DYNC1H1: variants seen among roughly 807,000 people sequenced by gnomAD.
DYNC1H1 encodes the protein dynein cytoplasmic 1 heavy chain 1.
DYNC1H1 carries 51 observed loss-of-function variants against 527.1 expected under a neutral mutation model. The ratio of observed to expected loss-of-function variants is 0.10; its 90% CI spans 0.08 to 0.12. The LOEUF (loss-of-function observed/expected upper bound fraction) is 0.12. Among genes scored for constraint, DYNC1H1 ranks in the 10% least tolerant of loss-of-function variants. DYNC1H1 has a pLI of 1.00. For synonymous variants in DYNC1H1, 2,189 were observed against 2,278.8 expected (o/e 0.96, Z 1.12); for missense variants, 2,771 against 5,971.8 (o/e 0.46, Z 17.66).
Position 101,985,996 on chromosome 14 carries a change from C to T in DYNC1H1, c.1771C>T (p.Leu591=). 1 of 1,614,220 alleles carries T rather than the reference C, an allele frequency of 6.2e-7. No individual in the cohort carries two copies. ...MFRIFSRFNA[L]FVRPHIRGAI... ...TAGGATTTTCTCCAGGTTTAATGCA[C>T]TGTTTGTCAGGCCTCACATCCGTGG... Residue 591 remains leucine, a synonymous_variant, in exon 8 of 78, where the codon CTG becomes TTG. Coordinates refer to ENST00000360184, the MANE Select transcript of DYNC1H1 (RefSeq NM_001376.5). The surrounding 1 kb of genome is among the most constrained non-coding windows in gnomAD (Gnocchi z 5.9).
At position 102,009,934 on chromosome 14, in the gene DYNC1H1, G is replaced by A. The variant is rs536211119; in HGVS notation, c.6069G>A (p.Ala2023=). The A allele has an allele frequency of 4.3e-6, 7 of 1,613,986 alleles. No homozygotes were observed. Among genetic ancestry groups the A allele is most frequent in the African/African-American group, 4.0e-5 (3 of 74,984 alleles). The change falls in exon 30 of 78, where the codon GCG becomes GCA. Residue 2023 remains alanine, a synonymous_variant. Coordinates refer to ENST00000360184, the MANE Select transcript of DYNC1H1 (RefSeq NM_001376.5). The part of the protein sequence containing the change: ...AIFITMNPGY[A]GRSNLPDNLK... The stretch of plus-strand genomic sequence containing the variant: ...TCATCACCATGAACCCTGGCTACGC[G>A]GGCCGGTCTAACCTTCCTGACAACT...
At chr14:102,050,029 G>A (rs1355656587) in intron 76 of DYNC1H1, 42 bp from the exon 77 acceptor site, 53 of 1,614,090 alleles carry the variant, frequency 3.3e-5, no homozygotes, top group Non-Finnish European at 4.2e-5. Flanking sequence ...TTGTGTAGCT[G>A]TTGTGTTCAC....
In DYNC1H1 at chr14:102,036,762, C is replaced by T. The variant is rs541719284; in HGVS notation, c.10908+120C>T. 118 of 1,315,174 alleles carry T rather than the reference C, an allele frequency of 9.0e-5. 1 individual carries two copies. In the South Asian group the frequency reaches 1.2e-3, roughly 13 times the overall value. The allele number at this position is 1,315,174 out of a possible 1,614,324, so 81.5% of individuals were successfully genotyped here. A position where few individuals can be genotyped will look rare whatever the true frequency, so the allele number is the denominator to read the frequency against. ...TTTGTATCAGAAGGATAAAGCTTTG[C>T]GGTGGTTCTGTAATAGATAAATTCA... is the stretch of plus-strand genomic sequence containing the variant. On this transcript the variant is annotated intron_variant, in intron 57 of 77. Coordinates refer to ENST00000360184, the MANE Select transcript of DYNC1H1 (RefSeq NM_001376.5). The surrounding 1 kb of genome is among the most constrained non-coding windows in gnomAD (Gnocchi z 5.6).
Position 102,002,407 on chromosome 14 carries a change from G to A in DYNC1H1, c.4543-130G>A, listed in dbSNP as rs908159042. ...ATTACAGGCGTGAGCCACCACACCC[G>A]TCTACTTGTTGTTTAAAATGTGAAT... On this transcript the variant is annotated intron_variant, in intron 21 of 77. Transcript: ENST00000360184. This position sits in a 1 kb window ranked among gnomAD's most constrained non-coding sequence, Gnocchi z 4.4. The A allele has an allele frequency of 2.0e-5, 26 of 1,295,970 alleles. No individual in the cohort carries two copies. Among genetic ancestry groups the A allele is most frequent in the African/African-American group, 2.9e-5 (2 of 68,476 alleles). 80.3% of individuals were successfully genotyped at this position (1,295,970 alleles called of 1,614,324 possible).
chr14:102,026,711 G>A lies in DYNC1H1; in HGVS notation c.8771+4G>A, dbSNP rs1555410867. ...ACCACGTGCTGAGGATTGACAGGTGGGCTTTTTTGTTGTTACAGCCCCACC... is the reference window on the plus strand; with the variant it reads ...ACCACGTGCTGAGGATTGACAGGTGAGCTTTTTTGTTGTTACAGCCCCACC... On this transcript the variant is annotated splice_donor_region_variant and intron_variant, in intron 44 of 77. Transcript: ENST00000360184. The A allele has an allele frequency of 1.2e-6, 2 of 1,613,798 alleles. No individual in the cohort carries two copies. The highest frequency in any genetic ancestry group is 1.1e-5 in the South Asian group (1 of 91,038).
chr14:102,005,561 C>A lies in DYNC1H1; in HGVS notation c.5433+325C>A, dbSNP rs576990741. On this transcript the variant is annotated intron_variant, in intron 26 of 77. Coordinates refer to ENST00000360184, the MANE Select transcript of DYNC1H1 (RefSeq NM_001376.5). This position sits in a 1 kb window ranked among gnomAD's most constrained non-coding sequence, Gnocchi z 4.0. ...GGCACGGGCAGTGCTTGCTGCGAGC[C>A]CCATGGCGGCACGTGGCAGACTCCT... 6.6e-6 allele frequency among the ~76,000 whole-genome samples: 1 copy of A among 152,318 alleles called. No homozygotes were observed. Among genetic ancestry groups the A allele is most frequent in the East Asian group, 1.9e-4 (1 of 5,180 alleles).
Position 101,978,465 on chromosome 14 carries a change from G to A in DYNC1H1, c.345-854G>A, listed in dbSNP as rs185168894. The stretch of plus-strand genomic sequence containing the variant: ...TGGGATTACAGGCGTGAACCACCAT[G>A]CCTGGCGTATGAAGTATTGTGTATA... On this transcript the variant is annotated intron_variant, in intron 2 of 77. Transcript: ENST00000360184. 2.0e-5 allele frequency among the ~76,000 whole-genome samples: 3 copies of A among 152,274 alleles called. No homozygotes were observed. In the East Asian group the frequency reaches 5.8e-4, roughly 29 times the overall value.
intron 15 of DYNC1H1, among the ~76,000 whole-genome samples, chr14:101,995,637 A>G (rs1244108749): frequency 1.3e-5 from 2 of 151,170 alleles, no homozygotes; most frequent in South Asian, 2.1e-4. Flanking sequence ...ATTACACTAG[A>G]TCTCTAGTTT....
At chr14:101,980,643 ACAGATGTACTGTCGT>A in intron 5 of DYNC1H1, 93 bp downstream of exon 5, 1 of 1,438,450 alleles carries the variant, frequency 7.0e-7, no homozygotes, top group Non-Finnish European at 9.5e-7. Context: ...TATAGTTTTC[ACAGATGTACTGTCGT>A]TTTTAACCAT....
In DYNC1H1 at chr14:101,991,691, C is replaced by T. The variant is rs2749894; in HGVS notation, c.3015+18C>T. On this transcript the variant is annotated intron_variant, in intron 11 of 77. Transcript: ENST00000360184. ...GGTACCAGGTAAGCCTTTGGTGACT[C>T]GAGGCACACGCCTCTGACCAGGACT... The T allele has an allele frequency of 0.085, 137,441 of 1,613,702 alleles. 9,458 individuals are homozygous for T. The highest frequency in any genetic ancestry group is 0.37 in the African/African-American group (27,776 of 74,898).
Position 102,011,744 on chromosome 14 carries a change from T to A in DYNC1H1, c.6619-131T>A. 1.1e-6 allele frequency: 1 copy of A among 949,848 alleles called. No individual in the cohort carries two copies. Among genetic ancestry groups the A allele is most frequent in the Non-Finnish European group, 1.6e-6 (1 of 613,422 alleles). 58.8% of individuals were successfully genotyped at this position (949,848 alleles called of 1,614,324 possible). ...TCCAGTCTGGGTGACAGAGAGAGAC[T>A]CCGTTTCAGGAAAAAAAAAAAAATC... On this transcript the variant is annotated intron_variant, in intron 32 of 77. Transcript: ENST00000360184. This position sits in a 1 kb window ranked among gnomAD's most constrained non-coding sequence, Gnocchi z 5.3.
chr14:102,027,398 A>G lies in DYNC1H1; in HGVS notation c.8902A>G (p.Thr2968Ala), dbSNP rs2152589038. 5 of 1,614,180 alleles carry G rather than the reference A, an allele frequency of 3.1e-6. No individual in the cohort carries two copies. Among genetic ancestry groups the G allele is most frequent in the Non-Finnish European group, 3.4e-6 (4 of 1,180,030 alleles). Residue 2968 changes from threonine (T) to alanine (A), a missense_variant, in exon 46 of 78, where the codon ACA (threonine) becomes GCA (alanine). Coordinates refer to ENST00000360184, the MANE Select transcript of DYNC1H1 (RefSeq NM_001376.5). This position sits in a 1 kb window ranked among gnomAD's most constrained non-coding sequence, Gnocchi z 7.7. ...VYQIKVHRKY[T>A]GEDFDEDLRT... The stretch of plus-strand genomic sequence containing the variant: ...GCTTCTGTAGGTCCATAGGAAGTAC[A>G]CAGGGGAAGACTTTGATGAAGATCT...
chr14:102,035,880 T>C (rs2048569207), intron 56 of DYNC1H1: 1 of 154,174 alleles, frequency 6.5e-6, no homozygotes, highest in African/African-American at 2.4e-5. Flanking sequence ...TCTCACCATA[T>C]GCCCTTTTAT....
At position 101,979,894 on chromosome 14, in the gene DYNC1H1, T is replaced by G; in HGVS notation, c.694T>G (p.Phe232Val). ...ERGEKPKVTDFGDKVEDPTFL... is the reference protein window; with the variant it reads ...ERGEKPKVTDVGDKVEDPTFL... Reference sequence around the variant, plus strand: ...TGGAGAAAAGCCAAAAGTTACAGACTTTGGTGATAAGGTTGAAGACCCAAC... The same window carrying G: ...TGGAGAAAAGCCAAAAGTTACAGACGTTGGTGATAAGGTTGAAGACCCAAC... The change falls in exon 4 of 78, where the codon TTT (phenylalanine) becomes GTT (valine). Residue 232 changes from phenylalanine to valine, a missense_variant. By Grantham distance (50) the Phe-to-Val change is conservative. Coordinates refer to ENST00000360184, the MANE Select transcript of DYNC1H1 (RefSeq NM_001376.5). This position sits in a 1 kb window ranked among gnomAD's most constrained non-coding sequence, Gnocchi z 4.6. 1.2e-6 allele frequency: 2 copies of G among 1,614,204 alleles called. No individual in the cohort carries two copies. The highest frequency in any genetic ancestry group is 1.7e-6 in the Non-Finnish European group (2 of 1,180,036).
Position 102,036,615 on chromosome 14 carries a change from G to C in DYNC1H1, c.10881G>C (p.Leu3627=). The C allele has an allele frequency of 6.2e-7, 1 of 1,614,178 alleles. No homozygotes were observed. Among genetic ancestry groups the C allele is most frequent in the Non-Finnish European group, 8.5e-7 (1 of 1,180,014 alleles). Residue 3627 remains leucine, a synonymous_variant, in exon 57 of 78, where the codon CTG becomes CTC. Coordinates refer to ENST00000360184, the MANE Select transcript of DYNC1H1 (RefSeq NM_001376.5). This position sits in a 1 kb window ranked among gnomAD's most constrained non-coding sequence, Gnocchi z 5.6. ...TCAGAAAGAACTTAGAGAGTGCACT[G>C]AGATTCGGTAACCCCCTTCTGGTCC... is the stretch of plus-strand genomic sequence containing the variant. The part of the protein sequence containing the change: ...DAFRKNLESA[L]RFGNPLLVQD...
rs1555409562 is a variant in DYNC1H1 at position 102,004,867 on chromosome 14, G to A, written c.5155G>A (p.Glu1719Lys). The change falls in exon 25 of 78, where the codon GAG becomes AAG. Residue 1719 changes from glutamate (E) to lysine (K), a missense_variant. By Grantham distance (56) the Glu-to-Lys change is moderately conservative. Transcript: ENST00000360184. ...MRVTLAKLLA[E>K]SVTEVEIFGK... ...AGTCACCCTGGCCAAACTGCTTGCTGAGTCTGTTACGGAAGTTGAGATTTT... is the reference window on the plus strand; with the variant it reads ...AGTCACCCTGGCCAAACTGCTTGCTAAGTCTGTTACGGAAGTTGAGATTTT... The A allele has an allele frequency of 1.2e-6, 2 of 1,614,126 alleles. No individual in the cohort carries two copies. Among genetic ancestry groups the A allele is most frequent in the Admixed American group, 1.7e-5 (1 of 60,008 alleles).
In DYNC1H1 at chr14:102,038,952, A is replaced by G. The variant is rs536183243; in HGVS notation, c.11207-49A>G. The G allele has an allele frequency of 3.1e-6, 5 of 1,613,998 alleles. No individual in the cohort carries two copies. The African/African-American group carries it at 4.0e-5, about 13-fold the overall frequency. ...GTTTGTGGCAAACACTTCTGAGAGC[A>G]TACCTTTTGAAGGATTATTGCAAAC... On this transcript the variant is annotated intron_variant, in intron 59 of 77. Transcript: ENST00000360184. The surrounding 1 kb of genome is among the most constrained non-coding windows in gnomAD (Gnocchi z 7.2).
In DYNC1H1 at chr14:101,979,661, G is replaced by T; in HGVS notation, c.519-58G>T. On this transcript the variant is annotated intron_variant, in intron 3 of 77. Transcript: ENST00000360184. This position sits in a 1 kb window ranked among gnomAD's most constrained non-coding sequence, Gnocchi z 4.6. ...TACTATTTGACAGACCTGAAATGAT[G>T]GGATCTCTTTGGAGACCAATAGCAC... The T allele has an allele frequency of 6.2e-7, 1 of 1,612,002 alleles. No individual in the cohort carries two copies. The highest frequency in any genetic ancestry group is 1.1e-5 in the South Asian group (1 of 90,924).
At chr14:102,034,632 CT>C in intron 56 of DYNC1H1, 180 bp downstream of exon 56, 1 of 1,005,296 alleles carries the variant, frequency 9.9e-7, no homozygotes, top group Non-Finnish European at 1.5e-6. Flanking sequence ...TGTCAAGTGT[CT>C]GAGTTATTCT....
Sources: gnomAD v4.1 joint callset for allele counts (sites outside exome capture counted in the v4.1 genomes callset) on GRCh38, gnomAD v4.1.1 for gene constraint, Gnocchi (gnomAD v3.1) non-coding constraint, MANE v1.5 for transcripts, NCBI Gene and HGNC (gene_info 2026-07-23, HGNC 2026-07-21) for gene names.